GBE1: variants seen among roughly 807,000 people sequenced by gnomAD.
GBE1 encodes 1,4-alpha-glucan-branching enzyme.
Under a neutral mutation model 88.8 loss-of-function variants are expected in GBE1, and 70 were observed. The observed-to-expected ratio is 0.79, with a 90% CI of 0.65 to 0.96. GBE1 has a LOEUF of 0.96. GBE1 is among the 40% of genes least tolerant of loss of function. The pLI is 0.00. For missense variants in GBE1, 872 were observed against 871.0 expected (o/e 1.00, Z -0.01); for synonymous variants, 284 against 300.1 (o/e 0.95, Z 0.56).
chr3:81,605,221 A>G (rs79499377), intron 7 of GBE1, among the ~76,000 whole-genome samples: 4,825 of 152,298 alleles, frequency 0.032, 112 homozygotes, highest in Non-Finnish European at 0.048. Flanking sequence ...TAAATTTTGC[A>G]TTTGCACATT....
At chr3:81,661,504 C>T (rs1184068516) in intron 3 of GBE1, among the ~76,000 whole-genome samples, 2 of 152,166 alleles carry the variant, frequency 1.3e-5, no homozygotes, top group Non-Finnish European at 2.9e-5. Context: ...TTGTATACTC[C>T]GACGTGCCTG....
intron 7 of GBE1, among the ~76,000 whole-genome samples, chr3:81,599,903 G>A (rs1329496791): frequency 6.6e-6 from 1 of 152,076 alleles, no homozygotes; most frequent in Non-Finnish European, 1.5e-5. Context: ...GTAAAAGTTT[G>A]GAAACATTAA....
chr3:81,647,009 T>C (rs979547917), intron 5 of GBE1, among the ~76,000 whole-genome samples: 3 of 150,390 alleles, frequency 2.0e-5, no homozygotes, highest in Non-Finnish European at 3.0e-5. Flanking sequence ...CAGGCTGCAG[T>C]GCAGTGGCTT....
At chr3:81,577,165 CTCT>C (rs1176054001) in intron 12 of GBE1, among the ~76,000 whole-genome samples, 20 of 151,886 alleles carry the variant, frequency 1.3e-4, no homozygotes, top group Non-Finnish European at 2.6e-4. Flanking sequence ...TGGTCTCTAA[CTCT>C]TCGCCTCAAG....
chr3:81,515,133 C>T (rs1414282032), intron 14 of GBE1, among the ~76,000 whole-genome samples: 2 of 151,570 alleles, frequency 1.3e-5, no homozygotes, highest in African/African-American at 4.8e-5. Flanking sequence ...CTTTATTGCA[C>T]TTTACAAATA....
chr3:81,722,892 G>GTA lies in GBE1; in HGVS notation c.144-17280_144-17279insTA, dbSNP rs201396919. On this transcript the variant is annotated intron_variant, in intron 1 of 15. Transcript: ENST00000429644. ...TGGGCACACACACGTGTGTGTGTGT[G>GTA]TGTGTATATATATATATATATATAC... is the stretch of plus-strand genomic sequence containing the variant. 1.1e-3 allele frequency among the ~76,000 whole-genome samples: 117 copies of GTA among 102,120 alleles called. 5 individuals carry two copies. In the East Asian group the frequency reaches 0.048, roughly 42 times the overall value. The allele number at this position is 102,120 out of a possible 152,430, so 67.0% of individuals were successfully genotyped here.
chr3:81,660,587 T>C (rs777843211), intron 3 of GBE1, among the ~76,000 whole-genome samples: 33 of 152,130 alleles, frequency 2.2e-4, no homozygotes, highest in Non-Finnish European at 4.4e-4. Context: ...GACCTATGGC[T>C]GACCATTTAA....
rs558200168 is a variant in GBE1, at chr3:81,574,597, C to T, written c.1618+3328G>A. 3.0e-4 allele frequency among the ~76,000 whole-genome samples: 45 copies of T among 152,208 alleles called. 1 individual carries two copies. In the South Asian group the frequency reaches 9.3e-3, roughly 32 times the overall value. ...GGCTAACTAATCTAGATACTGATCT[C>T]AGAGTAATTTTCATTACAATTTTTC... On this transcript the variant is annotated intron_variant, in intron 12 of 15. Transcript: ENST00000429644.
chr3:81,641,457 T>G (rs981101158), intron 7 of GBE1, among the ~76,000 whole-genome samples: 3 of 152,152 alleles, frequency 2.0e-5, no homozygotes, highest in African/African-American at 7.2e-5. Flanking sequence ...GCCATAAATC[T>G]GTGGCATAAT....
At chr3:81,531,207 C>T (rs1426791927) in intron 14 of GBE1, among the ~76,000 whole-genome samples, 1 of 151,918 alleles carries the variant, frequency 6.6e-6, no homozygotes, top group African/African-American at 2.4e-5. Context: ...AGAACTAGGT[C>T]TCTCCTTTCA....
intron 15 of GBE1, among the ~76,000 whole-genome samples, chr3:81,493,620 C>T (rs1200344337): frequency 6.6e-6 from 1 of 151,658 alleles, no homozygotes; most frequent in African/African-American, 2.4e-5. Flanking sequence ...GCAGCCTCTG[C>T]CTCCCAGGTT....
At chr3:81,702,617 T>C (rs1412920105) in intron 2 of GBE1, among the ~76,000 whole-genome samples, 1 of 152,016 alleles carries the variant, frequency 6.6e-6, no homozygotes, top group Non-Finnish European at 1.5e-5. Flanking sequence ...ATTTGTTGAT[T>C]GAGAATCATT....
rs1438092477 is a variant in GBE1, at chr3:81,622,043, A to G, written c.992+20738T>C. Among the ~76,000 whole-genome samples, 3 of 152,140 alleles carry G rather than the reference A, an allele frequency of 2.0e-5. No individual in the cohort carries two copies. The East Asian group carries it at 5.8e-4, about 29-fold the overall frequency. ...TCAGCTGAACTATCACCTACCTTAAAAGAAACTTTTTGACTTTTGACCTCC... is the reference window on the plus strand; with the variant it reads ...TCAGCTGAACTATCACCTACCTTAAGAGAAACTTTTTGACTTTTGACCTCC... On this transcript the variant is annotated intron_variant, in intron 7 of 15. Coordinates refer to ENST00000429644, the MANE Select transcript of GBE1 (RefSeq NM_000158.4).
intron 1 of GBE1, among the ~76,000 whole-genome samples, chr3:81,756,121 A>G (rs1706597927): frequency 6.6e-6 from 1 of 152,198 alleles, no homozygotes; most frequent in African/African-American, 2.4e-5. Context: ...ACACACAGCT[A>G]CAACTTGACA....
At chr3:81,657,401 G>GA (rs1264656954) in intron 3 of GBE1, among the ~76,000 whole-genome samples, 1 of 151,684 alleles carries the variant, frequency 6.6e-6, no homozygotes, top group South Asian at 2.1e-4. Flanking sequence ...AATATCTATT[G>GA]AAAAAATTGC....
At position 81,603,957 on chromosome 3, in the gene GBE1, A is replaced by G. The variant is rs113914510; in HGVS notation, c.993-9934T>C. ...GAAAATGATAGAGTAATGGCCTGAAAAAAATGACATCCACACTCAAAAATA... is the reference window on the plus strand; with the variant it reads ...GAAAATGATAGAGTAATGGCCTGAAGAAAATGACATCCACACTCAAAAATA... On this transcript the variant is annotated intron_variant, in intron 7 of 15. Coordinates refer to ENST00000429644, the MANE Select transcript of GBE1 (RefSeq NM_000158.4). Among the ~76,000 whole-genome samples the G allele has an allele frequency of 6.3e-3, 954 of 152,310 alleles. 11 individuals are homozygous for G. Among genetic ancestry groups the G allele is most frequent in the African/African-American group, 0.022 (897 of 41,578 alleles).
chr3:81,696,400 T>C (rs1336864266), intron 2 of GBE1, among the ~76,000 whole-genome samples: 3 of 152,240 alleles, frequency 2.0e-5, no homozygotes, highest in African/African-American at 4.8e-5. Context: ...GGAAGTTGCC[T>C]TAAATGTCTA....
intron 1 of GBE1, among the ~76,000 whole-genome samples, chr3:81,719,409 G>A (rs1027814737): frequency 6.6e-6 from 1 of 151,768 alleles, no homozygotes; most frequent in Non-Finnish European, 1.5e-5. Context: ...TAGAGATGGG[G>A]TTTTGACATG....
At chr3:81,563,666 C>T (rs1703451127) in intron 12 of GBE1, among the ~76,000 whole-genome samples, 1 of 151,984 alleles carries the variant, frequency 6.6e-6, no homozygotes, top group Non-Finnish European at 1.5e-5. Flanking sequence ...CACTGGGGCT[C>T]ACGGTTAGAA....
Sources: allele counts gnomAD v4.1 joint callset (sites outside exome capture counted in the v4.1 genomes callset), GRCh38; gene constraint gnomAD v4.1.1; transcripts MANE v1.5; gene names NCBI Gene and HGNC (gene_info 2026-07-23, HGNC 2026-07-21).